NXN: variants seen among roughly 807,000 people sequenced by gnomAD.
NXN encodes the protein nucleoredoxin.
Under a neutral mutation model 48.6 loss-of-function variants are expected in NXN, and 16 were observed. The observed-to-expected ratio is 0.33, with a 90% CI of 0.22 to 0.50. The LOEUF is 0.50. Ranked by LOEUF, NXN falls within the 20% of genes least tolerant of loss-of-function variation. NXN has a pLI of 0.98. For missense variants in NXN, 492 were observed against 605.5 expected, an observed-to-expected ratio of 0.81 and a Z score of 1.97; for synonymous variants, 281 against 269.6, an observed-to-expected ratio of 1.04 and a Z score of -0.41.
intron 1 of NXN, among the ~76,000 whole-genome samples, chr17:840,691 T>C (rs575757366): frequency 1.3e-5 from 2 of 152,302 alleles, no homozygotes; most frequent in African/African-American, 4.8e-5. Context: ...CGAGATACTC[T>C]TTTACAACAG....
intron 1 of NXN, among the ~76,000 whole-genome samples, chr17:943,189 A>G (rs1470407850): frequency 6.6e-6 from 1 of 152,214 alleles, no homozygotes; most frequent in East Asian, 1.9e-4. Context: ...AGGCATCATC[A>G]TTCTCTCTCT....
intron 1 of NXN, among the ~76,000 whole-genome samples, chr17:926,464 C>T (rs1308088755): frequency 6.6e-6 from 1 of 151,924 alleles, no homozygotes; most frequent in Admixed American, 6.6e-5. Flanking sequence ...GGATTACAGG[C>T]GTGAGCCACT....
Position 820,933 on chromosome 17 carries a change from A to C in NXN, c.714-1388T>G, listed in dbSNP as rs1408299513. ...AGCGAGACTCCACCTAAAAAAAAAA[A>C]AAAAAACAAAAAAAAAAACTGACTG... is the stretch of plus-strand genomic sequence containing the variant. On this transcript the variant is annotated intron_variant, in intron 4 of 7. Transcript: ENST00000336868. Among the ~76,000 whole-genome samples, 2 of 68,238 alleles carry C rather than the reference A, an allele frequency of 2.9e-5. 1 individual carries two copies. Among genetic ancestry groups the C allele is most frequent in the Non-Finnish European group, 5.4e-5 (2 of 36,970 alleles). The allele number at this position is 68,238 out of a possible 152,430, so 44.8% of individuals were successfully genotyped here.
intron 1 of NXN, among the ~76,000 whole-genome samples, chr17:895,656 CAAAA>C (rs71145789): frequency 3.5e-5 from 5 of 144,406 alleles, no homozygotes; most frequent in Non-Finnish European, 7.5e-5. Flanking sequence ...ACTTAAAATA[CAAAA>C]AAAAAAAATT....
At chr17:889,877 G>A (rs8066894) in intron 1 of NXN, among the ~76,000 whole-genome samples, 16,850 of 152,094 alleles carry the variant, frequency 0.11, 1,512 homozygotes, top group African/African-American at 0.24. Context: ...TGGATATTTC[G>A]GAGCCTGGTG....
chr17:924,056 C>G (rs2068773377), intron 1 of NXN, among the ~76,000 whole-genome samples: 1 of 151,000 alleles, frequency 6.6e-6, no homozygotes, highest in African/African-American at 2.4e-5. Context: ...CTACATTTTT[C>G]AAATTCTCAA....
At chr17:924,131 G>A (rs974801332) in intron 1 of NXN, among the ~76,000 whole-genome samples, 2 of 151,734 alleles carry the variant, frequency 1.3e-5, no homozygotes, top group African/African-American at 2.4e-5. Context: ...GCAGTGGCAC[G>A]ATTCTGGGCT....
At chr17:979,289 G>GCAGGGGTAACGGGCGTGGGGGGCGGT in intron 1 of NXN, 30 bp downstream of exon 1, 1 of 1,297,532 alleles carries the variant, frequency 7.7e-7, no homozygotes. Flanking sequence ...TGGGGGGCGG[G>GCAGGGGTAACGGGCGTGGGGGGCGGT]CAGGGGCCGG....
At chr17:804,143 G>C (rs1911356043) in intron 6 of NXN, among the ~76,000 whole-genome samples, 1 of 152,190 alleles carries the variant, frequency 6.6e-6, no homozygotes, top group African/African-American at 2.4e-5. Flanking sequence ...GCCAGGACCT[G>C]AGGCGCCTGC....
chr17:956,255 TA>T lies in NXN; in HGVS notation c.360+23063del, dbSNP rs1301716260. 6.6e-6 allele frequency among the ~76,000 whole-genome samples: 1 copy of T among 152,092 alleles called. No homozygotes were observed. Among genetic ancestry groups the T allele is most frequent in the African/African-American group, 2.4e-5 (1 of 41,420 alleles). Reference sequence around the variant, plus strand: ...TTCAATAAACACGGTGCCAAGTATTTACTAATAAGAGGTGTCGAACGTGTTA... The same window carrying T: ...TTCAATAAACACGGTGCCAAGTATTTCTAATAAGAGGTGTCGAACGTGTTA... On this transcript the variant is annotated intron_variant, in intron 1 of 7. Coordinates refer to ENST00000336868, the MANE Select transcript of NXN (RefSeq NM_022463.5). This position sits in a 1 kb window ranked among gnomAD's most constrained non-coding sequence, Gnocchi z 4.1.
In NXN at chr17:871,403, T is replaced by C. The variant is rs112466559; in HGVS notation, c.361-45325A>G. On this transcript the variant is annotated intron_variant, in intron 1 of 7. Transcript: ENST00000336868. ...AAATCGCAGCATACGCATTCACTTT[T>C]TTTTTTTTTTTTTTTTTTTGAGATG... 1.2e-3 allele frequency among the ~76,000 whole-genome samples: 134 copies of C among 108,430 alleles called. 1 individual carries two copies. Among genetic ancestry groups the C allele is most frequent in the South Asian group, 2.2e-3 (7 of 3,116 alleles). The allele number at this position is 108,430 out of a possible 152,430, so 71.1% of individuals were successfully genotyped here.
chr17:847,402 C>A (rs1183391597), intron 1 of NXN, among the ~76,000 whole-genome samples: 3 of 152,002 alleles, frequency 2.0e-5, no homozygotes, highest in African/African-American at 7.3e-5. Flanking sequence ...AAACTCCCAG[C>A]CTGGAAAAAG....
At chr17:846,970 C>T (rs376343525) in intron 1 of NXN, among the ~76,000 whole-genome samples, 5 of 152,138 alleles carry the variant, frequency 3.3e-5, no homozygotes, top group African/African-American at 1.2e-4. Flanking sequence ...CGAAACTTTC[C>T]GCAGCTTCTG....
chr17:961,850 AT>A (rs2069241191), intron 1 of NXN, among the ~76,000 whole-genome samples: 1 of 152,220 alleles, frequency 6.6e-6, no homozygotes, highest in Non-Finnish European at 1.5e-5. Context: ...AATAAGGAAC[AT>A]TAGCTGGGTG....
At chr17:887,533 C>A (rs1292139218) in intron 1 of NXN, among the ~76,000 whole-genome samples, 2 of 152,134 alleles carry the variant, frequency 1.3e-5, no homozygotes, top group Non-Finnish European at 2.9e-5. Context: ...ACTAATACCC[C>A]ACAGCTTACT....
intron 1 of NXN, among the ~76,000 whole-genome samples, chr17:948,822 C>T (rs1019483771): frequency 6.7e-6 from 1 of 149,938 alleles, no homozygotes; most frequent in African/African-American, 2.5e-5. Context: ...CCTCCTCTCC[C>T]CGCGGCCTCC....
chr17:828,556 C>T (rs538677611), intron 1 of NXN, among the ~76,000 whole-genome samples: 152 of 151,776 alleles, frequency 1.0e-3, no homozygotes, highest in Non-Finnish European at 1.6e-3. Flanking sequence ...CACCCACCTC[C>T]ACGTCCAGCT....
At chr17:832,583 C>A (rs569103780) in intron 1 of NXN, among the ~76,000 whole-genome samples, 55 of 152,200 alleles carry the variant, frequency 3.6e-4, no homozygotes, top group African/African-American at 1.3e-3. Flanking sequence ...CCAAACCTTG[C>A]CAGCTAAAGA....
At chr17:821,996 T>C (rs771314575) in intron 4 of NXN, among the ~76,000 whole-genome samples, 1 of 152,130 alleles carries the variant, frequency 6.6e-6, no homozygotes, top group East Asian at 1.9e-4. Flanking sequence ...AAGGAGTAAA[T>C]GTGGCTGGGT....
Sources: gnomAD v4.1 joint callset for allele counts (sites outside exome capture counted in the v4.1 genomes callset) on GRCh38, gnomAD v4.1.1 for gene constraint, Gnocchi (gnomAD v3.1) non-coding constraint, MANE v1.5 for transcripts, NCBI Gene and HGNC (gene_info 2026-07-23, HGNC 2026-07-21) for gene names.